ADGRG1: variants seen among roughly 807,000 people sequenced by gnomAD.
ADGRG1 encodes adhesion G protein-coupled receptor G1.
Under a neutral mutation model 73.5 loss-of-function variants are expected in ADGRG1, and 53 were observed. The ratio of observed to expected loss-of-function variants is 0.72; its 90% CI spans 0.58 to 0.91. The LOEUF is 0.91. ADGRG1 is among the 40% of genes least tolerant of loss of function. The pLI is 0.00. For missense variants in ADGRG1, 795 were observed against 871.8 expected (o/e 0.91, Z 1.11); for synonymous variants, 394 against 374.4 (o/e 1.05, Z -0.60).
At chr16:57,643,578 G>T in intron 1 of ADGRG1, 1 of 984,958 alleles carries the variant, frequency 1.0e-6, no homozygotes, top group Non-Finnish European at 1.2e-6. Context: ...GGGGTGTCCA[G>T]CAGGTCTGGT....
upstream of ADGRG1, chr16:57,623,929 A>G (rs2035354333): frequency 6.7e-6 from 4 of 600,950 alleles, no homozygotes; most frequent in Non-Finnish European, 8.4e-6. Context: ...AAGCTTTGGG[A>G]AGTTCCTCTC....
Position 57,660,537 on chromosome 16 carries a change from G to A in ADGRG1, c.1556-231G>A, listed in dbSNP as rs145408651. The A allele has an allele frequency of 6.4e-4, 475 of 737,050 alleles. 9 individuals are homozygous for A. In the East Asian group the frequency reaches 0.044, roughly 68 times the overall value. 45.7% of individuals were successfully genotyped at this position (737,050 alleles called of 1,614,324 possible). A position where few individuals can be genotyped will look rare whatever the true frequency, so the allele number is the denominator to read the frequency against. On this transcript the variant is annotated intron_variant, in intron 11 of 13. Transcript: ENST00000562631. ...TTCTCCCAGGGGCCCCCAGGGTGACGAAGGGCAGGGCTAAGGTTGGAGGAG... is the reference window on the plus strand; with the variant it reads ...TTCTCCCAGGGGCCCCCAGGGTGACAAAGGGCAGGGCTAAGGTTGGAGGAG...
intron 1 of ADGRG1, chr16:57,642,409 C>T: frequency 1.0e-6 from 1 of 985,218 alleles, no homozygotes; most frequent in Non-Finnish European, 1.2e-6. Flanking sequence ...TTTGGGACAG[C>T]TCAAAGGGGA....
chr16:57,633,987 C>T (rs888037247), intron 1 of ADGRG1: 1 of 709,332 alleles, frequency 1.4e-6, no homozygotes, highest in Non-Finnish European at 1.7e-6. Context: ...GTTAATGTGA[C>T]CCTGGGCTGG....
chr16:57,623,603 G>A (rs1010458539), upstream of ADGRG1, among the ~76,000 whole-genome samples: 4 of 152,220 alleles, frequency 2.6e-5, no homozygotes, highest in Non-Finnish European at 4.4e-5. Context: ...TGCTTCCCCC[G>A]CATCTTGGCT....
At chr16:57,655,843 C>T (rs1433135095) in intron 6 of ADGRG1, 33 bp from the exon 7 acceptor site, 1 of 1,613,852 alleles carries the variant, frequency 6.2e-7, no homozygotes, top group Non-Finnish European at 8.5e-7. Flanking sequence ...TGAACTCCCT[C>T]CCTACTCTCT....
chr16:57,652,552 C>A, intron 3 of ADGRG1: 2 of 853,594 alleles, frequency 2.3e-6, no homozygotes, highest in Non-Finnish European at 2.8e-6. Flanking sequence ...ATTCTGAAGA[C>A]CAGACTGAAC....
intron 1 of ADGRG1, chr16:57,642,027 A>T: frequency 1.1e-6 from 1 of 944,514 alleles, no homozygotes; most frequent in Non-Finnish European, 1.3e-6. Context: ...AGCTGGTACT[A>T]CAGGCAAGCA....
intron 3 of ADGRG1, chr16:57,652,141 G>A: frequency 6.8e-6 from 7 of 1,026,776 alleles, no homozygotes; most frequent in Non-Finnish European, 8.2e-6. Flanking sequence ...TAGGGGTGAG[G>A]GGCGGAGTAT....
At chr16:57,634,237 G>A in intron 1 of ADGRG1, 1 of 985,422 alleles carries the variant, frequency 1.0e-6, no homozygotes, top group South Asian at 4.7e-5. Context: ...CTCTGTGGCT[G>A]GCACCCTGGG....
At chr16:57,636,038 C>T in intron 1 of ADGRG1, 1 of 985,354 alleles carries the variant, frequency 1.0e-6, no homozygotes, top group Non-Finnish European at 1.2e-6. Flanking sequence ...GATCGCAGGA[C>T]CCCATGGCCA....
chr16:57,628,764 G>A lies in ADGRG1; in HGVS notation c.-74G>A. On this transcript the variant is annotated 5_prime_UTR_variant, in exon 1 of 14. Transcript: ENST00000562631. ...GGGGTGGATCCTGAAAGGTGGTCCA[G>A]CCGCCTGGCCCTGCGTGGGACCCTC... 1.0e-6 allele frequency: 1 copy of A among 985,594 alleles called. No individual in the cohort carries two copies. The highest frequency in any genetic ancestry group is 1.1e-4 in the East Asian group (1 of 8,822). The allele number at this position is 985,594 out of a possible 1,614,324, so 61.1% of individuals were successfully genotyped here.
chr16:57,653,657 G>A, intron 4 of ADGRG1: 1 of 926,432 alleles, frequency 1.1e-6, no homozygotes, highest in Non-Finnish European at 1.3e-6. Context: ...GAGTAGGTTG[G>A]CACAGGCGGA....
rs1383538007 is a variant in ADGRG1, at chr16:57,665,157, T to G, written c.*1575T>G. 4 of 146,218 alleles carry G rather than the reference T, an allele frequency of 2.7e-5. No homozygotes were observed. The highest frequency in any genetic ancestry group is 6.0e-5 in the Non-Finnish European group (4 of 66,726). 9.1% of individuals were successfully genotyped at this position (146,218 alleles called of 1,614,324 possible). A position where few individuals can be genotyped will look rare whatever the true frequency, so the allele number is the denominator to read the frequency against. Reference sequence around the variant, plus strand: ...ATGAAAGAGAGAAGAGGGCTGTGTGTGAAGAAAAAAAAAAAATCGACTGCT... The same window carrying G: ...ATGAAAGAGAGAAGAGGGCTGTGTGGGAAGAAAAAAAAAAAATCGACTGCT... On this transcript the variant is annotated 3_prime_UTR_variant, in exon 14 of 14. Coordinates refer to ENST00000562631, the MANE Select transcript of ADGRG1 (RefSeq NM_201525.4).
intron 5 of ADGRG1, among the ~76,000 whole-genome samples, chr16:57,654,423 T>G (rs1375414769): frequency 1.5e-4 from 5 of 34,366 alleles, no homozygotes; most frequent in Admixed American, 4.0e-4. Flanking sequence ...CCCCCCCCCG[T>G]TTTTTTTTTT....
intron 1 of ADGRG1, chr16:57,642,469 G>T: frequency 1.0e-6 from 1 of 985,406 alleles, no homozygotes; most frequent in Middle Eastern, 5.2e-4. Context: ...GTGGCGTCAA[G>T]ATTTCTGAGA....
chr16:57,662,225 G>A (rs2047297816), intron 13 of ADGRG1, among the ~76,000 whole-genome samples: 1 of 152,168 alleles, frequency 6.6e-6, no homozygotes, highest in African/African-American at 2.4e-5. Flanking sequence ...CTCTACTGGG[G>A]AAGACTGCGC....
At position 57,659,432 on chromosome 16, in the gene ADGRG1, A is replaced by G. The variant is rs1430279041; in HGVS notation, c.1306A>G (p.Thr436Ala). The change falls in exon 11 of 14, where the codon ACC (threonine) becomes GCC (alanine). Residue 436 changes from threonine to alanine, a missense_variant. By Grantham distance (58) the Thr-to-Ala change is moderately conservative. Coordinates refer to ENST00000562631, the MANE Select transcript of ADGRG1 (RefSeq NM_201525.4). ...GTGCAGGAGGAAACCTCGGGACTACACCATCAAGGTGCACATGAACCTGCT... is the reference window on the plus strand; with the variant it reads ...GTGCAGGAGGAAACCTCGGGACTACGCCATCAAGGTGCACATGAACCTGCT... ...LCSRRKPRDY[T>A]IKVHMNLLLA... is the part of the protein sequence containing the mutation. 1.2e-6 allele frequency: 2 copies of G among 1,613,704 alleles called. No homozygotes were observed. The highest frequency in any genetic ancestry group is 1.7e-5 in the Admixed American group (1 of 60,008).
In ADGRG1 at chr16:57,661,869, C is replaced by A. The variant is rs751492778; in HGVS notation, c.1837C>A (p.Leu613Ile). Reference protein sequence around the residue: ...VLTLLGLSLVLGLPWALIFFS... With the variant: ...VLTLLGLSLVIGLPWALIFFS... ...GACACTGCTGGGCCTCAGCCTGGTC[C>A]TTGGCCTGCCCTGGGCCTTGATCTT... The change falls in exon 13 of 14, where the codon CTT becomes ATT. Residue 613 changes from leucine (L) to isoleucine (I), a missense_variant. Coordinates refer to ENST00000562631, the MANE Select transcript of ADGRG1 (RefSeq NM_201525.4). 3 of 1,614,258 alleles carry A rather than the reference C, an allele frequency of 1.9e-6. No individual in the cohort carries two copies. In the East Asian group the frequency reaches 6.7e-5, roughly 36 times the overall value.
Sources: gnomAD v4.1 joint callset for allele counts (sites outside exome capture counted in the v4.1 genomes callset) on GRCh38, gnomAD v4.1.1 for gene constraint, MANE v1.5 for transcripts, NCBI Gene and HGNC (gene_info 2026-07-23, HGNC 2026-07-21) for gene names.